The following ZC3HAV1 variants were observed in gnomAD, a reference collection of about 807,000 sequenced individuals.
ZC3HAV1 encodes zinc finger CCCH-type antiviral protein 1.
A neutral mutation model predicts 86.6 loss-of-function variants in ZC3HAV1; 41 were observed. That is an observed-to-expected ratio of 0.47 (90% CI 0.37 to 0.61). The LOEUF is 0.61. Among genes scored for constraint, ZC3HAV1 ranks in the 20% least tolerant of loss-of-function variants. The probability of loss-of-function intolerance (pLI) is 0.00; values close to 1 mark genes in which losing one functional copy is unlikely to be tolerated. For missense variants in ZC3HAV1, 964 were observed against 1,141.1 expected (o/e 0.84, Z 2.24); for synonymous variants, 421 against 432.1 (o/e 0.97, Z 0.32).
chr7:139,084,180 T>G, intron 2 of ZC3HAV1, 148 bp from the exon 3 acceptor site: 4 of 1,120,464 alleles, frequency 3.6e-6, no homozygotes, highest in Non-Finnish European at 5.0e-6. Flanking sequence ...CTGCAGTCTT[T>G]GATGAGTCAC....
At chr7:139,065,112 A>G in intron 7 of ZC3HAV1, 113 bp from the exon 8 acceptor site, 1 of 1,417,038 alleles carries the variant, frequency 7.1e-7, no homozygotes, top group African/African-American at 1.4e-5. Context: ...TTTGCTTCCC[A>G]AACCAGATTG....
chr7:139,093,717 ACT>A (rs771480139), intron 1 of ZC3HAV1, among the ~76,000 whole-genome samples: 1 of 151,656 alleles, frequency 6.6e-6, no homozygotes, highest in Admixed American at 6.6e-5. Context: ...CCCTTCGCTG[ACT>A]CTCTTTCCGG....
At chr7:139,080,596 A>G (rs557004560) in intron 3 of ZC3HAV1, among the ~76,000 whole-genome samples, 1 of 152,288 alleles carries the variant, frequency 6.6e-6, no homozygotes, top group Admixed American at 6.5e-5. Flanking sequence ...GTGTCAGCTG[A>G]TGAAAGAATC....
intron 3 of ZC3HAV1, among the ~76,000 whole-genome samples, chr7:139,080,936 T>A (rs1207885240): frequency 6.6e-6 from 1 of 152,210 alleles, no homozygotes; most frequent in African/African-American, 2.4e-5. Context: ...TCTAAAGGCC[T>A]GACTTTGTTT....
At chr7:139,107,082 AAAGAT>A (rs1265997695) in intron 1 of ZC3HAV1, among the ~76,000 whole-genome samples, 9 of 152,236 alleles carry the variant, frequency 5.9e-5, no homozygotes, top group African/African-American at 1.7e-4. Context: ...TCATAATAGA[AAAGAT>A]AAGAACAGAA....
At chr7:139,096,894 A>C (rs2130729358) in intron 1 of ZC3HAV1, among the ~76,000 whole-genome samples, 1 of 152,206 alleles carries the variant, frequency 6.6e-6, no homozygotes, top group South Asian at 2.1e-4. Context: ...GCAGCTTGGG[A>C]GGCTGAGGAG....
rs538747748 is a variant in ZC3HAV1, at chr7:139,087,076, G to T, written c.444+2548C>A. 2.0e-5 allele frequency among the ~76,000 whole-genome samples: 3 copies of T among 152,172 alleles called. No individual in the cohort carries two copies. The South Asian group carries it at 6.2e-4, about 32-fold the overall frequency. On this transcript the variant is annotated intron_variant, in intron 2 of 12. Transcript: ENST00000242351. ...GTTACTTTTGAAGAACTGAAGCAGC[G>T]ATCAGACATGATGAATGGCCTTTCT...
At chr7:139,092,764 G>T (rs1176051381) in intron 1 of ZC3HAV1, among the ~76,000 whole-genome samples, 2 of 152,206 alleles carry the variant, frequency 1.3e-5, no homozygotes, top group Non-Finnish European at 1.5e-5. Flanking sequence ...CCACCTGGGG[G>T]CCTGGTTTTC....
intron 2 of ZC3HAV1, among the ~76,000 whole-genome samples, chr7:139,086,423 A>G (rs1346683918): frequency 1.5e-5 from 2 of 134,002 alleles, no homozygotes; most frequent in African/African-American, 2.8e-5. Context: ...AATTGTGGGT[A>G]CTGAATTCTA....
At chr7:139,074,636 C>G (rs1816881379) in intron 6 of ZC3HAV1, among the ~76,000 whole-genome samples, 1 of 151,124 alleles carries the variant, frequency 6.6e-6, no homozygotes, top group South Asian at 2.1e-4. Context: ...TTTTGGAAAA[C>G]AGTTATTTTA....
Position 139,054,106 on chromosome 7 carries a change from T to C in ZC3HAV1, c.2188-11A>G. 1 of 1,555,858 alleles carries C rather than the reference T, an allele frequency of 6.4e-7. No homozygotes were observed. The highest frequency in any genetic ancestry group is 8.6e-7 in the Non-Finnish European group (1 of 1,159,348). ...ATGGATCTCTGACAACTAATAAAGT[T>C]TAAAAATAGATAAATGTGAAATAGG... On this transcript the variant is annotated splice_polypyrimidine_tract_variant and intron_variant, in intron 10 of 12. Transcript: ENST00000242351.
chr7:139,091,774 C>A (rs776951143), intron 1 of ZC3HAV1, among the ~76,000 whole-genome samples: 1 of 152,010 alleles, frequency 6.6e-6, no homozygotes. Context: ...ACCGTGCCAC[C>A]CTAATATTCT....
chr7:139,102,846 G>A (rs979043498), intron 1 of ZC3HAV1, among the ~76,000 whole-genome samples: 2 of 151,456 alleles, frequency 1.3e-5, no homozygotes, highest in African/African-American at 4.9e-5. Context: ...TTTGAATCCA[G>A]GAGGTGGAGG....
At chr7:139,089,479 CTTAG>C in intron 2 of ZC3HAV1, 141 bp downstream of exon 2, 1 of 1,062,064 alleles carries the variant, frequency 9.4e-7, no homozygotes, top group Non-Finnish European at 1.3e-6. Flanking sequence ...TCTGGGATCT[CTTAG>C]TTCACTCAAT....
intron 12 of ZC3HAV1, among the ~76,000 whole-genome samples, chr7:139,052,535 G>A (rs1244148234): frequency 1.3e-5 from 2 of 149,252 alleles, no homozygotes; most frequent in Non-Finnish European, 1.5e-5. Flanking sequence ...AACCAAGGAG[G>A]TGAAGGTTGC....
intron 1 of ZC3HAV1, among the ~76,000 whole-genome samples, chr7:139,096,691 A>C (rs1329424509): frequency 6.6e-6 from 1 of 152,138 alleles, no homozygotes; most frequent in African/African-American, 2.4e-5. Context: ...AGAACTAAAA[A>C]ATTCATTTCT....
At chr7:139,093,805 C>T (rs767558522) in intron 1 of ZC3HAV1, among the ~76,000 whole-genome samples, 2 of 152,164 alleles carry the variant, frequency 1.3e-5, no homozygotes, top group Non-Finnish European at 2.9e-5. Flanking sequence ...TCTCTTCACA[C>T]GGACGCGAGT....
At chr7:139,061,253 G>A in intron 8 of ZC3HAV1, 115 bp from the exon 9 acceptor site, 1 of 939,846 alleles carries the variant, frequency 1.1e-6, no homozygotes, top group Non-Finnish European at 1.6e-6. Context: ...TGACCTGTAT[G>A]TATACGAATA....
intron 9 of ZC3HAV1, among the ~76,000 whole-genome samples, chr7:139,055,863 C>G (rs1281132359): frequency 6.6e-6 from 1 of 152,120 alleles, no homozygotes; most frequent in Admixed American, 6.5e-5. Context: ...CATCATGGTT[C>G]TAAACAATCA....
Sources: gnomAD v4.1 joint callset for allele counts (sites outside exome capture counted in the v4.1 genomes callset) on GRCh38, gnomAD v4.1.1 for gene constraint, MANE v1.5 for transcripts, NCBI Gene and HGNC (gene_info 2026-07-23, HGNC 2026-07-21) for gene names.